The following GAS2 variants were observed in gnomAD, a reference collection of about 807,000 sequenced individuals.
GAS2 encodes growth arrest-specific protein 2.
In GAS2, 20 loss-of-function variants were observed where a neutral mutation model predicts 37.5. That is an observed-to-expected ratio of 0.53 (90% CI 0.37 to 0.77). GAS2 has a LOEUF of 0.77. Among genes scored for constraint, GAS2 ranks in the 30% least tolerant of loss-of-function variants. GAS2 has a pLI of 0.00. For synonymous variants in GAS2, 144 were observed against 132.2 expected (o/e 1.09, Z -0.61); for missense variants, 336 against 373.4 (o/e 0.90, Z 0.82).
intron 1 of GAS2, among the ~76,000 whole-genome samples, chr11:22,643,709 A>G (rs759920389): frequency 5.3e-5 from 8 of 152,108 alleles, no homozygotes; most frequent in Admixed American, 2.0e-4. Context: ...AAGAAAAAAA[A>G]AATACGGACC....
At chr11:22,651,839 T>G (rs1848780379) in intron 1 of GAS2, among the ~76,000 whole-genome samples, 1 of 152,170 alleles carries the variant, frequency 6.6e-6, no homozygotes, top group Non-Finnish European at 1.5e-5. Flanking sequence ...TTTCAAAGTT[T>G]TCAACTTCTT....
intron 5 of GAS2, among the ~76,000 whole-genome samples, chr11:22,744,791 A>G (rs1853290975): frequency 6.6e-6 from 1 of 152,130 alleles, no homozygotes; most frequent in Non-Finnish European, 1.5e-5. Context: ...TCAACGTGGT[A>G]CTGGAAATTC....
At chr11:22,762,520 A>C (rs1045225907) in intron 7 of GAS2, among the ~76,000 whole-genome samples, 1 of 152,178 alleles carries the variant, frequency 6.6e-6, no homozygotes, top group Admixed American at 6.5e-5. Flanking sequence ...TGTCCATTAA[A>C]TGCAAATATC....
intron 1 of GAS2, among the ~76,000 whole-genome samples, chr11:22,639,052 T>A (rs997586279): frequency 6.6e-6 from 1 of 152,134 alleles, no homozygotes; most frequent in Non-Finnish European, 1.5e-5. Context: ...GGAACAATTG[T>A]TTTATAGAGA....
At chr11:22,719,615 C>G (rs1221283304) in intron 3 of GAS2, among the ~76,000 whole-genome samples, 1 of 152,096 alleles carries the variant, frequency 6.6e-6, no homozygotes, top group African/African-American at 2.4e-5. Flanking sequence ...ATTCTGTGTG[C>G]TCTACCTTTT....
chr11:22,690,566 C>A (rs1850193572), intron 3 of GAS2, among the ~76,000 whole-genome samples: 1 of 152,050 alleles, frequency 6.6e-6, no homozygotes, highest in Admixed American at 6.6e-5. Flanking sequence ...TTATTTAATT[C>A]ATTTATACAT....
chr11:22,737,195 A>T (rs1852801627), intron 4 of GAS2, among the ~76,000 whole-genome samples: 1 of 152,166 alleles, frequency 6.6e-6, no homozygotes, highest in African/African-American at 2.4e-5. Context: ...TCACTTTGAC[A>T]TTCATCTTTG....
upstream of GAS2, among the ~76,000 whole-genome samples, chr11:22,665,935 A>T (rs540108844): frequency 3.9e-5 from 6 of 152,366 alleles, no homozygotes; most frequent in South Asian, 1.2e-3. Flanking sequence ...AATATACATG[A>T]AACTGATGAA....
At chr11:22,771,108 G>A (rs946093468) in intron 7 of GAS2, among the ~76,000 whole-genome samples, 4 of 151,680 alleles carry the variant, frequency 2.6e-5, no homozygotes, top group African/African-American at 9.7e-5. Flanking sequence ...TTTTCATGAG[G>A]TACTAAAACA....
chr11:22,787,659 C>A (rs1486611930), intron 7 of GAS2, among the ~76,000 whole-genome samples: 1 of 152,080 alleles, frequency 6.6e-6, no homozygotes, highest in East Asian at 1.9e-4. Context: ...TGGTGAGAAG[C>A]GTTGGGGGAA....
At chr11:22,762,634 T>C (rs1014663083) in intron 7 of GAS2, among the ~76,000 whole-genome samples, 5 of 152,156 alleles carry the variant, frequency 3.3e-5, no homozygotes, top group African/African-American at 9.7e-5. Flanking sequence ...TTTAAAAGTA[T>C]TCAGAATACA....
At chr11:22,675,141 T>C in intron 2 of GAS2, 127 bp downstream of exon 2, 4 of 955,996 alleles carry the variant, frequency 4.2e-6, no homozygotes, top group Non-Finnish European at 5.9e-6. Flanking sequence ...ATTTGACATT[T>C]GCATCTGGGA....
intron 5 of GAS2, among the ~76,000 whole-genome samples, chr11:22,740,058 A>G (rs1181358256): frequency 6.6e-6 from 1 of 152,186 alleles, no homozygotes; most frequent in Non-Finnish European, 1.5e-5. Flanking sequence ...GAAGAAGACA[A>G]GCTGCCCAAT....
intron 7 of GAS2, among the ~76,000 whole-genome samples, chr11:22,804,402 T>G (rs1298415892): frequency 1.3e-5 from 2 of 152,132 alleles, no homozygotes; most frequent in Non-Finnish European, 2.9e-5. Flanking sequence ...GATACCTTGC[T>G]TGACAAAGTT....
intron 1 of GAS2, among the ~76,000 whole-genome samples, chr11:22,630,096 G>C (rs1049438235): frequency 1.3e-5 from 2 of 151,870 alleles, no homozygotes; most frequent in East Asian, 1.9e-4. Flanking sequence ...TGTGCACAAT[G>C]TGCAGGTTTG....
intron 5 of GAS2, among the ~76,000 whole-genome samples, chr11:22,744,013 C>G (rs1853240301): frequency 6.6e-6 from 1 of 151,948 alleles, no homozygotes; most frequent in African/African-American, 2.4e-5. Flanking sequence ...TTATGAACAC[C>G]CTAGGTACAC....
chr11:22,794,865 C>T (rs1005750910), intron 7 of GAS2, among the ~76,000 whole-genome samples: 4 of 152,128 alleles, frequency 2.6e-5, no homozygotes, highest in African/African-American at 9.7e-5. Context: ...CACAGTGTCA[C>T]CCTGAAACTT....
chr11:22,805,977 G>A (rs1175962414), intron 7 of GAS2, among the ~76,000 whole-genome samples: 2 of 152,014 alleles, frequency 1.3e-5, no homozygotes, highest in African/African-American at 4.8e-5. Context: ...CTTCTTTACT[G>A]CAACCTGTTG....
intron 7 of GAS2, among the ~76,000 whole-genome samples, chr11:22,786,762 C>A (rs1855837913): frequency 6.6e-6 from 1 of 152,098 alleles, no homozygotes; most frequent in Admixed American, 6.5e-5. Flanking sequence ...TTGGTGAGTG[C>A]AAACTTGTAT....
Sources: allele counts gnomAD v4.1 joint callset (sites outside exome capture counted in the v4.1 genomes callset), GRCh38; gene constraint gnomAD v4.1.1; transcripts MANE v1.5; gene names NCBI Gene and HGNC (gene_info 2026-07-23, HGNC 2026-07-21).